A1CF: variants seen among roughly 807,000 people sequenced by gnomAD.
A1CF encodes the protein APOBEC1 complementation factor.
Under a neutral mutation model 68.9 loss-of-function variants are expected in A1CF, and 48 were observed. The observed-to-expected ratio is 0.70, with a 90% CI of 0.55 to 0.89. The LOEUF is 0.89. Ranked by LOEUF, A1CF falls within the 40% of genes least tolerant of loss-of-function variation. The pLI is 0.00. For missense variants in A1CF, 653 were observed against 718.9 expected (o/e 0.91, Z 1.05); for synonymous variants, 272 against 260.4 (o/e 1.04, Z -0.43).
intron 1 of A1CF, 108 bp downstream of exon 1, chr10:50,885,473 C>G (rs1841963393): frequency 6.6e-6 from 1 of 152,102 alleles, no homozygotes; most frequent in Admixed American, 6.5e-5. Flanking sequence ...TTGAATTAGG[C>G]TCGATAACAG....
intron 12 of A1CF, among the ~76,000 whole-genome samples, chr10:50,807,576 C>A (rs1837893539): frequency 1.3e-5 from 2 of 152,054 alleles, no homozygotes; most frequent in South Asian, 4.1e-4. Flanking sequence ...CTCAGAGAAC[C>A]AAAGTATCTG....
intron 7 of A1CF, among the ~76,000 whole-genome samples, chr10:50,827,275 A>G (rs1301338544): frequency 6.6e-6 from 1 of 152,220 alleles, no homozygotes; most frequent in Non-Finnish European, 1.5e-5. Context: ...GCTCTGCACC[A>G]AGCGGACCTA....
chr10:50,807,600 T>A (rs766564264), intron 12 of A1CF, among the ~76,000 whole-genome samples: 4 of 152,178 alleles, frequency 2.6e-5, no homozygotes, highest in Non-Finnish European at 4.4e-5. Context: ...ATTAAAAAAA[T>A]AATCTATGCG....
intron 2 of A1CF, among the ~76,000 whole-genome samples, chr10:50,863,170 T>C (rs1840823183): frequency 6.6e-6 from 1 of 152,202 alleles, no homozygotes; most frequent in Admixed American, 6.5e-5. Context: ...GGCATGGAAA[T>C]AAAATTCAAA....
At chr10:50,829,158 T>A (rs542210050) in intron 6 of A1CF, among the ~76,000 whole-genome samples, 1 of 152,236 alleles carries the variant, frequency 6.6e-6, no homozygotes, top group East Asian at 1.9e-4. Flanking sequence ...GAATGGGAAA[T>A]GAGCTTTAGA....
intron 12 of A1CF, 142 bp from the exon 13 acceptor site, chr10:50,807,022 T>A: frequency 2.5e-6 from 2 of 815,658 alleles, no homozygotes; most frequent in Non-Finnish European, 3.7e-6. Flanking sequence ...AAAGTGTCCT[T>A]AAGGACACAA....
intron 5 of A1CF, among the ~76,000 whole-genome samples, chr10:50,839,836 C>T (rs1839688680): frequency 1.3e-5 from 2 of 150,406 alleles, no homozygotes; most frequent in Admixed American, 6.6e-5. Context: ...CAATCTCCAC[C>T]CTGCCAGGTT....
intron 3 of A1CF, among the ~76,000 whole-genome samples, chr10:50,850,089 G>C (rs1198865240): frequency 6.6e-6 from 1 of 152,088 alleles, no homozygotes; most frequent in Admixed American, 6.6e-5. Flanking sequence ...AATGGCTCTT[G>C]GCTCTTGACT....
intron 3 of A1CF, among the ~76,000 whole-genome samples, chr10:50,848,414 A>C (rs1840093242): frequency 6.6e-6 from 1 of 152,180 alleles, no homozygotes; most frequent in African/African-American, 2.4e-5. Context: ...TGTGATGATT[A>C]TTCTTCTCAG....
At position 50,826,418 on chromosome 10, in the gene A1CF, G is replaced by A. The variant is rs72787048; in HGVS notation, c.769+1713C>T. On this transcript the variant is annotated intron_variant, in intron 7 of 12. Coordinates refer to ENST00000373997, the MANE Select transcript of A1CF (RefSeq NM_014576.4). Reference sequence around the variant, plus strand: ...CATCTCAAGCATAGGTGCTTTTAAAGAATGTTTTGATCTCTCGGCAGAAAC... The same window carrying A: ...CATCTCAAGCATAGGTGCTTTTAAAAAATGTTTTGATCTCTCGGCAGAAAC... Among the ~76,000 whole-genome samples, 949 of 152,002 alleles carry A rather than the reference G, an allele frequency of 6.2e-3. 8 individuals carry two copies. The highest frequency in any genetic ancestry group is 0.01 in the Non-Finnish European group (707 of 67,896).
intron 3 of A1CF, among the ~76,000 whole-genome samples, chr10:50,855,933 T>C (rs1163503621): frequency 2.0e-5 from 3 of 152,058 alleles, no homozygotes; most frequent in Non-Finnish European, 4.4e-5. Context: ...GTAAACTTGA[T>C]GTTCTTAATG....
At chr10:50,810,077 A>G (rs768716791) in intron 11 of A1CF, 35 bp from the exon 12 acceptor site, 12 of 1,607,972 alleles carry the variant, frequency 7.5e-6, no homozygotes, top group South Asian at 3.3e-5. Flanking sequence ...GGCATTTTTA[A>G]ACTGGTACAA....
chr10:50,860,956 G>A (rs1022736130), intron 2 of A1CF, among the ~76,000 whole-genome samples: 1 of 152,126 alleles, frequency 6.6e-6, no homozygotes, highest in Non-Finnish European at 1.5e-5. Context: ...TGCTTAATGT[G>A]CTCTGCCAAC....
At chr10:50,865,645 T>C (rs1405836160) in intron 1 of A1CF, among the ~76,000 whole-genome samples, 1 of 152,182 alleles carries the variant, frequency 6.6e-6, no homozygotes, top group Admixed American at 6.5e-5. Flanking sequence ...CTTCCCATGC[T>C]TTCTTACACT....
intron 1 of A1CF, among the ~76,000 whole-genome samples, chr10:50,864,324 G>A (rs1840881353): frequency 6.6e-6 from 1 of 152,154 alleles, no homozygotes; most frequent in Admixed American, 6.5e-5. Flanking sequence ...GAGGAGAGAA[G>A]CAGAGTAGAG....
At chr10:50,831,521 T>C (rs976692572) in intron 6 of A1CF, among the ~76,000 whole-genome samples, 1 of 152,006 alleles carries the variant, frequency 6.6e-6, no homozygotes, top group Admixed American at 6.6e-5. Context: ...CTGAGGTCAG[T>C]AGTTCGAGAC....
In A1CF at chr10:50,813,936, T is replaced by C. The variant is rs1838241722; in HGVS notation, c.1244A>G (p.Tyr415Cys). The C allele has an allele frequency of 6.2e-7, 1 of 1,613,820 alleles. No individual in the cohort carries two copies. The highest frequency in any genetic ancestry group is 8.5e-7 in the Non-Finnish European group (1 of 1,179,888). Residue 415 changes from tyrosine (Y) to cysteine (C), a missense_variant, in exon 10 of 13, where the codon TAT becomes TGT. Physicochemically the swap from Tyr to Cys is radical, Grantham distance 194. Coordinates refer to ENST00000373997, the MANE Select transcript of A1CF (RefSeq NM_014576.4). ...GAGCTCCATCCCAGGTAAAATGTCA[T>C]AGAGTTTGTCTTCTCTTTTGTCTCC... ...VKGDKREDKLYDILPGMELTP... is the reference protein window; with the variant it reads ...VKGDKREDKLCDILPGMELTP...
intron 3 of A1CF, among the ~76,000 whole-genome samples, chr10:50,848,017 A>C (rs1471672275): frequency 6.6e-6 from 1 of 152,156 alleles, no homozygotes. Flanking sequence ...CATGACAGTA[A>C]TGACAGCAAA....
rs896909391 is a variant in A1CF, at chr10:50,800,998, T to G, written c.*5731A>C. ...AAGGAAGAAAGAAACCAATAAATGC[T>G]CTAATACCCTACTAGTGCCCTGTGG... On this transcript the variant is annotated 3_prime_UTR_variant, in exon 13 of 13. Transcript: ENST00000373997. 1.3e-5 allele frequency: 2 copies of G among 152,178 alleles called. No homozygotes were observed. The highest frequency in any genetic ancestry group is 2.9e-5 in the Non-Finnish European group (2 of 68,052). The allele number at this position is 152,178 out of a possible 1,614,324, so 9.4% of individuals were successfully genotyped here.
Sources: allele counts gnomAD v4.1 joint callset (sites outside exome capture counted in the v4.1 genomes callset), GRCh38; gene constraint gnomAD v4.1.1; transcripts MANE v1.5; gene names NCBI Gene and HGNC (gene_info 2026-07-23, HGNC 2026-07-21).